JAKMIP1: variants seen among roughly 807,000 people sequenced by gnomAD.
JAKMIP1 encodes the protein janus kinase and microtubule-interacting protein 1.
Under a neutral mutation model 113.0 loss-of-function variants are expected in JAKMIP1, and 33 were observed. The observed-to-expected ratio is 0.29, with a 90% CI of 0.22 to 0.39. JAKMIP1 has a LOEUF of 0.39. Among genes scored for constraint, JAKMIP1 ranks in the 10% least tolerant of loss-of-function variants. The pLI is 1.00. For synonymous variants in JAKMIP1, 480 were observed against 459.9 expected (o/e 1.04, Z -0.56); for missense variants, 813 against 1,080.5 (o/e 0.75, Z 3.47).
Position 6,105,677 on chromosome 4 carries a change from C to A in JAKMIP1, c.420G>T (p.Ala140=), listed in dbSNP as rs773875532. The change falls in exon 3 of 21, where the codon GCG becomes GCT. Residue 140 remains alanine (A), a synonymous_variant. Coordinates refer to ENST00000409021, the MANE Select transcript of JAKMIP1 (RefSeq NM_001099433.2). ...GGCGCTCTCCATCGAAGGCCCTGCG[C>A]GCCTCCTCGCGCGCCTCGGTCAGCA... ...TALLTEAREE[A]RRAFDGERLR... The A allele has an allele frequency of 3.1e-6, 5 of 1,602,278 alleles. No individual in the cohort carries two copies. The highest frequency in any genetic ancestry group is 2.5e-6 in the Non-Finnish European group (3 of 1,176,794).
At position 6,080,984 on chromosome 4, in the gene JAKMIP1, TACACACAC is replaced by T. The variant is rs71173403; in HGVS notation, c.1101+617_1101+624del. ...GGAGAGGACTTCACACAACAGCAAT[TACACACAC>T]ACACACACACACACACACACACCTG... is the stretch of plus-strand genomic sequence containing the variant. On this transcript the variant is annotated intron_variant, in intron 6 of 20. Coordinates refer to ENST00000409021, the MANE Select transcript of JAKMIP1 (RefSeq NM_001099433.2). The surrounding 1 kb of genome is among the most constrained non-coding windows in gnomAD (Gnocchi z 6.0). Among the ~76,000 whole-genome samples, 6 of 140,980 alleles carry T rather than the reference TACACACAC, an allele frequency of 4.3e-5. No individual in the cohort carries two copies. The highest frequency in any genetic ancestry group is 7.0e-5 in the Admixed American group (1 of 14,308). The allele number at this position is 140,980 out of a possible 152,430, so 92.5% of individuals were successfully genotyped here.
rs959234369 is a variant in JAKMIP1 at position 6,168,184 on chromosome 4, C to T, written c.-148+32069G>A. 1.3e-5 allele frequency among the ~76,000 whole-genome samples: 2 copies of T among 152,206 alleles called. No individual in the cohort carries two copies. The highest frequency in any genetic ancestry group is 2.1e-4 in the South Asian group (1 of 4,830). The stretch of plus-strand genomic sequence containing the variant: ...GGGGAACTGGACCCTTTATGCATTG[C>T]TGGTGGGGTCATGAAATGATGCAGC... On this transcript the variant is annotated intron_variant, in intron 1 of 20. Coordinates refer to ENST00000409021, the MANE Select transcript of JAKMIP1 (RefSeq NM_001099433.2). The surrounding 1 kb of genome is among the most constrained non-coding windows in gnomAD (Gnocchi z 4.6).
intron 1 of JAKMIP1, among the ~76,000 whole-genome samples, chr4:6,121,199 C>CAAAAA (rs33951121): frequency 7.8e-6 from 1 of 128,364 alleles, no homozygotes. Flanking sequence ...GACCTTGTCT[C>CAAAAA]AAAAAAAAAA....
intron 1 of JAKMIP1, among the ~76,000 whole-genome samples, chr4:6,130,788 G>A (rs1396731858): frequency 6.6e-6 from 1 of 152,120 alleles, no homozygotes; most frequent in African/African-American, 2.4e-5. Context: ...GCTGAAGGAA[G>A]AAGCAGTGGG....
Position 6,193,116 on chromosome 4 carries a change from C to G in JAKMIP1, c.-148+7137G>C, listed in dbSNP as rs1035510266. Among the ~76,000 whole-genome samples the G allele has an allele frequency of 1.3e-5, 2 of 152,176 alleles. No individual in the cohort carries two copies. Among genetic ancestry groups the G allele is most frequent in the African/African-American group, 2.4e-5 (1 of 41,520 alleles). ...AGAGCAAACTTGCTGAGTCTTCTGG[C>G]CCCATCTTTCTCCCATGCTGGATGC... On this transcript the variant is annotated intron_variant, in intron 1 of 20. Coordinates refer to ENST00000409021, the MANE Select transcript of JAKMIP1 (RefSeq NM_001099433.2). This position sits in a 1 kb window ranked among gnomAD's most constrained non-coding sequence, Gnocchi z 6.4.
chr4:6,098,248 T>C (rs918427089), intron 3 of JAKMIP1, among the ~76,000 whole-genome samples: 2 of 152,144 alleles, frequency 1.3e-5, no homozygotes, highest in African/African-American at 4.8e-5. Flanking sequence ...CTGGCCAACA[T>C]GGCGAAGCCC....
chr4:6,063,640 G>A (rs1717634924), intron 9 of JAKMIP1, among the ~76,000 whole-genome samples: 1 of 152,196 alleles, frequency 6.6e-6, no homozygotes, highest in Admixed American at 6.5e-5. Flanking sequence ...GGCACAAGAT[G>A]GAAGAGCAAA....
rs1173003336 is a variant in JAKMIP1 at position 6,162,213 on chromosome 4, G to A, written c.-148+38040C>T. ...CCACTAGAGGGCAGTGGGAGCGACT[G>A]CAGACCACTGGTCTTATGAGGAATG... is the stretch of plus-strand genomic sequence containing the variant. On this transcript the variant is annotated intron_variant, in intron 1 of 20. Transcript: ENST00000409021. This position sits in a 1 kb window ranked among gnomAD's most constrained non-coding sequence, Gnocchi z 5.6. 6.6e-6 allele frequency among the ~76,000 whole-genome samples: 1 copy of A among 152,148 alleles called. No individual in the cohort carries two copies. The highest frequency in any genetic ancestry group is 1.5e-5 in the Non-Finnish European group (1 of 68,016).
chr4:6,099,275 G>GT (rs1578230167), intron 3 of JAKMIP1, among the ~76,000 whole-genome samples: 1 of 152,108 alleles, frequency 6.6e-6, no homozygotes, highest in Non-Finnish European at 1.5e-5. Context: ...TGTCTCGTCT[G>GT]TTTTTTTCCC....
At chr4:6,148,939 G>T (rs1721215922) in intron 1 of JAKMIP1, among the ~76,000 whole-genome samples, 1 of 152,228 alleles carries the variant, frequency 6.6e-6, no homozygotes, top group Non-Finnish European at 1.5e-5. Flanking sequence ...GGTGAGACGG[G>T]GAGGAGTCAA....
chr4:6,084,927 T>C lies in JAKMIP1; in HGVS notation c.873A>G (p.Gln291=), dbSNP rs941000293. The C allele has an allele frequency of 3.8e-6, 6 of 1,588,242 alleles. No individual in the cohort carries two copies. Among genetic ancestry groups the C allele is most frequent in the Middle Eastern group, 1.7e-4 (1 of 5,922 alleles). Residue 291 remains glutamine (Q), a synonymous_variant, in exon 5 of 21, where the codon CAA becomes CAG. Coordinates refer to ENST00000409021, the MANE Select transcript of JAKMIP1 (RefSeq NM_001099433.2). ...HMDERDVRRF[Q]LKIAELNSVI... The stretch of plus-strand genomic sequence containing the variant: ...CTGAATTCAGTTCAGCAATTTTTAG[T>C]TGAAATCGCCTCACATCTCGCTCGT...
intron 1 of JAKMIP1, among the ~76,000 whole-genome samples, chr4:6,126,765 GC>G (rs1404959237): frequency 2.9e-5 from 4 of 137,636 alleles, no homozygotes; most frequent in Admixed American, 7.4e-5. Context: ...CAACACATGC[GC>G]CCCCCCACAC....
chr4:6,073,258 G>T (rs1480193482), intron 8 of JAKMIP1, among the ~76,000 whole-genome samples: 2 of 152,062 alleles, frequency 1.3e-5, no homozygotes, highest in South Asian at 2.1e-4. Flanking sequence ...AGTTTAGATA[G>T]GTCCTGCGTG....
At position 6,080,847 on chromosome 4, in the gene JAKMIP1, C is replaced by T. The variant is rs1720410758; in HGVS notation, c.1102-535G>A. Among the ~76,000 whole-genome samples the T allele has an allele frequency of 6.6e-6, 1 of 152,096 alleles. No individual in the cohort carries two copies. The highest frequency in any genetic ancestry group is 2.4e-5 in the African/African-American group (1 of 41,412). ...GGGACAGGGCAGACCAAAGCCAAGC[C>T]CAAGGTGGGGCTGACCATGCACACT... On this transcript the variant is annotated intron_variant, in intron 6 of 20. Transcript: ENST00000409021. This position sits in a 1 kb window ranked among gnomAD's most constrained non-coding sequence, Gnocchi z 6.0.
chr4:6,128,673 G>A (rs983279657), intron 1 of JAKMIP1, among the ~76,000 whole-genome samples: 4 of 152,082 alleles, frequency 2.6e-5, no homozygotes, highest in Non-Finnish European at 4.4e-5. Flanking sequence ...CGCTCCCCAC[G>A]TGCACTGCCC....
intron 13 of JAKMIP1, among the ~76,000 whole-genome samples, chr4:6,053,152 A>G (rs187456690): frequency 5.8e-4 from 88 of 152,302 alleles, no homozygotes; most frequent in African/African-American, 2.0e-3. Context: ...AATGCCAATG[A>G]TTTTTCAACA....
chr4:6,068,311 C>T (rs750546700), intron 8 of JAKMIP1, among the ~76,000 whole-genome samples: 19 of 152,152 alleles, frequency 1.2e-4, no homozygotes, highest in Admixed American at 8.5e-4. Context: ...CAGTGGAGCC[C>T]CCGACAGTAT....
chr4:6,177,404 T>C (rs543372281), intron 1 of JAKMIP1, among the ~76,000 whole-genome samples: 86 of 152,246 alleles, frequency 5.6e-4, no homozygotes, highest in African/African-American at 1.9e-3. Context: ...GCCTCAAACT[T>C]AGCCTAGTAA....
intron 1 of JAKMIP1, among the ~76,000 whole-genome samples, chr4:6,163,722 C>T (rs1723237202): frequency 6.6e-6 from 1 of 152,194 alleles, no homozygotes; most frequent in Non-Finnish European, 1.5e-5. Flanking sequence ...AGGGAAAGTT[C>T]TTGAAGGAAA....
Sources: allele counts gnomAD v4.1 joint callset (sites outside exome capture counted in the v4.1 genomes callset), GRCh38; gene constraint gnomAD v4.1.1; non-coding constraint Gnocchi (gnomAD v3.1); transcripts MANE v1.5; gene names NCBI Gene and HGNC (gene_info 2026-07-23, HGNC 2026-07-21).